RAB38: variants seen among roughly 807,000 people sequenced by gnomAD.
RAB38 encodes the protein RAB38, member RAS oncogene family.
A neutral mutation model predicts 18.4 loss-of-function variants in RAB38; 15 were observed. The ratio of observed to expected loss-of-function variants is 0.82; its 90% CI spans 0.55 to 1.26. The LOEUF is 1.26. RAB38 is among the 50% of genes most tolerant of loss of function. RAB38 has a pLI of 0.00. For synonymous variants in RAB38, 101 were observed against 104.4 expected (o/e 0.97, Z 0.20); for missense variants, 294 against 267.4 (o/e 1.10, Z -0.69).
the RAB38 span, among the ~76,000 whole-genome samples, chr11:88,039,433 T>C: frequency 6.6e-6 from 1 of 152,098 alleles, no homozygotes; most frequent in Admixed American, 6.6e-5. Context: ...ACAGGTTCCT[T>C]AGGCCAATGT....
At chr11:88,123,672 G>A (rs950356817) in intron 2 of RAB38, among the ~76,000 whole-genome samples, 4 of 152,120 alleles carry the variant, frequency 2.6e-5, no homozygotes, top group Non-Finnish European at 5.9e-5. Flanking sequence ...TTGCTCCACA[G>A]GTGATTTCAG....
At chr11:87,951,296 A>AT in the RAB38 span, among the ~76,000 whole-genome samples, 449 of 149,016 alleles carry the variant, frequency 3.0e-3, 5 homozygotes, top group African/African-American at 1.5e-3. Context: ...CATTCTTCTA[A>AT]TTTTTTTTTT....
At chr11:88,135,217 A>G (rs913387373) in intron 2 of RAB38, among the ~76,000 whole-genome samples, 6 of 152,076 alleles carry the variant, frequency 3.9e-5, no homozygotes, top group African/African-American at 1.2e-4. Context: ...ATGCCACGCA[A>G]GCTCCCCTGC....
chr11:88,085,951 C>A, the RAB38 span, among the ~76,000 whole-genome samples: 1 of 151,894 alleles, frequency 6.6e-6, no homozygotes, highest in African/African-American at 2.4e-5. Context: ...AAGAGAAAGG[C>A]AGCTTAGTGT....
intron 2 of RAB38, among the ~76,000 whole-genome samples, chr11:88,142,058 GCTCT>G (rs59046181): frequency 0.17 from 25,587 of 151,538 alleles, 2,144 homozygotes; most frequent in Middle Eastern, 0.22. Context: ...GGTGTAGATA[GCTCT>G]CTGAGTGACT....
the RAB38 span, among the ~76,000 whole-genome samples, chr11:88,035,142 CTT>C: frequency 1.3e-5 from 2 of 152,086 alleles, no homozygotes; most frequent in African/African-American, 4.8e-5. Flanking sequence ...CTCTCAAAGA[CTT>C]TTGCTTATTT....
the RAB38 span, among the ~76,000 whole-genome samples, chr11:87,829,236 AT>A: frequency 6.6e-6 from 1 of 152,218 alleles, no homozygotes; most frequent in Non-Finnish European, 1.5e-5. Flanking sequence ...GGGTAGTATG[AT>A]CACCACCTGG....
At chr11:87,823,221 T>A in the RAB38 span, among the ~76,000 whole-genome samples, 1 of 152,208 alleles carries the variant, frequency 6.6e-6, no homozygotes, top group African/African-American at 2.4e-5. Context: ...TATGTGATAC[T>A]TGTATACTGA....
At chr11:87,896,080 CTGA>C in the RAB38 span, among the ~76,000 whole-genome samples, 1 of 151,638 alleles carries the variant, frequency 6.6e-6, no homozygotes, top group African/African-American at 2.4e-5. Context: ...GTACCAGGTA[CTGA>C]TGAAGATACA....
intron 2 of RAB38, among the ~76,000 whole-genome samples, chr11:88,125,116 T>C (rs1340527030): frequency 1.3e-5 from 2 of 152,212 alleles, no homozygotes; most frequent in African/African-American, 4.8e-5. Context: ...GCAATCATCC[T>C]CTATATTCCT....
downstream of RAB38, among the ~76,000 whole-genome samples, chr11:88,108,971 C>G (rs1344070158): frequency 6.6e-6 from 1 of 152,184 alleles, no homozygotes; most frequent in Non-Finnish European, 1.5e-5. Flanking sequence ...GGCCCCTACT[C>G]TCTTCTGGCT....
At chr11:88,139,501 T>G (rs1380063644) in intron 2 of RAB38, among the ~76,000 whole-genome samples, 3 of 152,130 alleles carry the variant, frequency 2.0e-5, no homozygotes, top group Non-Finnish European at 4.4e-5. Flanking sequence ...CTTCCAGGAG[T>G]TGAACCTAGT....
At chr11:88,062,463 G>A in the RAB38 span, among the ~76,000 whole-genome samples, 1 of 152,158 alleles carries the variant, frequency 6.6e-6, no homozygotes, top group African/African-American at 2.4e-5. Context: ...TTTCTTTATA[G>A]CAGTGTGAGA....
At chr11:87,912,720 A>AAT in the RAB38 span, among the ~76,000 whole-genome samples, 1 of 121,534 alleles carries the variant, frequency 8.2e-6, no homozygotes, top group Non-Finnish European at 1.8e-5. Context: ...TTTGATATTC[A>AAT]TTATTTCCTT....
At chr11:87,952,258 G>A in the RAB38 span, among the ~76,000 whole-genome samples, 2 of 152,154 alleles carry the variant, frequency 1.3e-5, no homozygotes, top group Non-Finnish European at 2.9e-5. Context: ...AAAGTCTTGA[G>A]CTTCATCCTG....
the RAB38 span, among the ~76,000 whole-genome samples, chr11:87,897,790 C>T: frequency 1.3e-5 from 2 of 151,562 alleles, no homozygotes; most frequent in Non-Finnish European, 3.0e-5. Context: ...TACTTTTCAG[C>T]TCCAGGATAA....
At chr11:87,976,824 G>A in the RAB38 span, among the ~76,000 whole-genome samples, 1 of 64,564 alleles carries the variant, frequency 1.5e-5, no homozygotes, top group Admixed American at 2.1e-4. Context: ...ATTATACAAT[G>A]TATAATATAA....
downstream of RAB38, among the ~76,000 whole-genome samples, chr11:88,111,583 C>T (rs1408132389): frequency 6.6e-6 from 1 of 152,182 alleles, no homozygotes; most frequent in Non-Finnish European, 1.5e-5. Context: ...AGAGGCTATA[C>T]TCTTATTTCC....
the RAB38 span, among the ~76,000 whole-genome samples, chr11:87,945,748 A>T: frequency 2.0e-5 from 3 of 152,210 alleles, no homozygotes; most frequent in African/African-American, 7.2e-5. Flanking sequence ...ACCTAAGGTT[A>T]TGAAAATATC....
Sources: allele counts gnomAD v4.1 joint callset (sites outside exome capture counted in the v4.1 genomes callset), GRCh38; gene constraint gnomAD v4.1.1; transcripts MANE v1.5; gene names NCBI Gene and HGNC (gene_info 2026-07-23, HGNC 2026-07-21).